Variants in RHOBTB2 observed in about 807,000 individuals in gnomAD.
RHOBTB2 encodes the protein rho-related BTB domain-containing protein 2.
A neutral mutation model predicts 66.5 loss-of-function variants in RHOBTB2; 39 were observed. The observed-to-expected ratio is 0.59, with a 90% confidence interval of 0.45 to 0.77. The LOEUF (loss-of-function observed/expected upper bound fraction) is 0.77, where lower values mean the gene tolerates loss of function less well. Among genes scored for constraint, RHOBTB2 ranks in the 30% least tolerant of loss-of-function variants. RHOBTB2 has a pLI of 0.00. For synonymous variants in RHOBTB2, 390 were observed against 395.0 expected, an observed-to-expected ratio of 0.99 and a Z score of 0.15; for missense variants, 755 against 999.1, an observed-to-expected ratio of 0.76 and a Z score of 3.29.
the RHOBTB2 span, among the ~76,000 whole-genome samples, chr8:22,965,468 A>T: frequency 6.6e-6 from 1 of 152,346 alleles, no homozygotes; most frequent in African/African-American, 2.4e-5. Flanking sequence ...ACCCCCGAAT[A>T]GCCACAACAA....
At chr8:22,969,714 C>G in the RHOBTB2 span, among the ~76,000 whole-genome samples, 347 of 152,192 alleles carry the variant, frequency 2.3e-3, 4 homozygotes, top group East Asian at 7.7e-4. Context: ...AAAACCATAT[C>G]AGTTTAACAA....
At chr8:23,013,084 C>A (rs1174462571) in intron 7 of RHOBTB2, among the ~76,000 whole-genome samples, 1 of 151,940 alleles carries the variant, frequency 6.6e-6, no homozygotes, top group African/African-American at 2.4e-5. Flanking sequence ...CAGGCGTGAG[C>A]CACCACACCC....
chr8:22,999,707 G>T lies in RHOBTB2; in HGVS notation c.-409G>T. ...GGACTGCAGCGCCAGGCGTCTTCGC[G>T]GCAGCGCCTTCGCCGCGGGCCCGGG... On this transcript the variant is annotated 5_prime_UTR_variant, in exon 1 of 10. Transcript: ENST00000251822. 8.7e-7 allele frequency: 1 copy of T among 1,149,608 alleles called. No individual in the cohort carries two copies. The highest frequency in any genetic ancestry group is 1.1e-6 in the Non-Finnish European group (1 of 921,080). 71.2% of individuals were successfully genotyped at this position (1,149,608 alleles called of 1,614,324 possible). A position where few individuals can be genotyped will look rare whatever the true frequency, so the allele number is the denominator to read the frequency against.
chr8:23,013,743 G>T (rs1811213404), intron 7 of RHOBTB2, among the ~76,000 whole-genome samples: 1 of 152,048 alleles, frequency 6.6e-6, no homozygotes, highest in Admixed American at 6.5e-5. Context: ...TGATCCACCC[G>T]CCTTGGCCTC....
At chr8:22,961,371 A>G in the RHOBTB2 span, among the ~76,000 whole-genome samples, 1 of 152,130 alleles carries the variant, frequency 6.6e-6, no homozygotes, top group Non-Finnish European at 1.5e-5. Flanking sequence ...TAACTGATCA[A>G]GCTGTTTCTG....
the RHOBTB2 span, among the ~76,000 whole-genome samples, chr8:22,955,024 G>A: frequency 1.3e-5 from 2 of 152,154 alleles, no homozygotes; most frequent in Admixed American, 1.3e-4. Context: ...CCAGCTACTT[G>A]GGGGGCTGAG....
the RHOBTB2 span, among the ~76,000 whole-genome samples, chr8:22,952,830 G>C: frequency 3.3e-5 from 5 of 152,246 alleles, no homozygotes; most frequent in South Asian, 2.1e-4. Flanking sequence ...GCTTGAACTC[G>C]GGAGGCGGAG....
At chr8:23,015,460 G>T (rs1396487532) in intron 8 of RHOBTB2, among the ~76,000 whole-genome samples, 178 bp from the exon 9 acceptor site, 1 of 152,040 alleles carries the variant, frequency 6.6e-6, no homozygotes. Flanking sequence ...CAAGGAGCCT[G>T]AGGCAGCATC....
the RHOBTB2 span, among the ~76,000 whole-genome samples, chr8:22,955,959 A>G: frequency 1.3e-5 from 2 of 152,144 alleles, no homozygotes; most frequent in African/African-American, 4.8e-5. Context: ...AAGGCAGATG[A>G]AGAAGTTAAA....
chr8:22,985,665 G>A (rs902030026), upstream of RHOBTB2, among the ~76,000 whole-genome samples: 10 of 152,194 alleles, frequency 6.6e-5, no homozygotes, highest in African/African-American at 2.4e-4. Flanking sequence ...TGCGATGGAG[G>A]GCTGGAAGCA....
chr8:23,007,434 C>T lies in RHOBTB2; in HGVS notation c.1189C>T (p.Gln397Ter). 1 of 1,614,148 alleles carries T rather than the reference C, an allele frequency of 6.2e-7. No homozygotes were observed. Among genetic ancestry groups the T allele is most frequent in the Non-Finnish European group, 8.5e-7 (1 of 1,180,032 alleles). Residue 397 changes from glutamine to a stop codon, truncating the protein, a stop_gained, in exon 5 of 10, where the codon CAG becomes TAG. Transcript: ENST00000251822. LOFTEE classifies it high-confidence loss of function. ...SSWSRAFVSIQEEMAEDPLTY... is the reference protein window; with the variant it reads ...SSWSRAFVSI ...CTGGAGCCGAGCTTTTGTGAGCATCCAGGAAGAGATGGCAGAAGATCCTCT... is the reference window on the plus strand; with the variant it reads ...CTGGAGCCGAGCTTTTGTGAGCATCTAGGAAGAGATGGCAGAAGATCCTCT...
At chr8:22,952,815 G>T in the RHOBTB2 span, among the ~76,000 whole-genome samples, 5 of 152,132 alleles carry the variant, frequency 3.3e-5, no homozygotes, top group Non-Finnish European at 5.9e-5. Flanking sequence ...TGAGGCAGGA[G>T]AATTGCTTGA....
chr8:22,985,197 C>T (rs895122557), upstream of RHOBTB2, among the ~76,000 whole-genome samples: 1 of 152,140 alleles, frequency 6.6e-6, no homozygotes, highest in Middle Eastern at 3.2e-3. Flanking sequence ...GCCAGGGGGC[C>T]AGTTGCAAAA....
At chr8:23,008,982 G>C (rs577804764) in intron 6 of RHOBTB2, among the ~76,000 whole-genome samples, 10 of 152,154 alleles carry the variant, frequency 6.6e-5, no homozygotes, top group Non-Finnish European at 1.2e-4. Context: ...CCCTGAGGGA[G>C]GCAGTCCCTA....
At chr8:22,991,489 A>G (rs1019215040) in intron 1 of RHOBTB2, among the ~76,000 whole-genome samples, 1 of 152,206 alleles carries the variant, frequency 6.6e-6, no homozygotes, top group Non-Finnish European at 1.5e-5. Context: ...TCTTTGATGG[A>G]TGAATGAGTC....
At position 23,007,002 on chromosome 8, in the gene RHOBTB2, G is replaced by T; in HGVS notation, c.757G>T (p.Glu253Ter). ...GGTGCCCGACCCTCCCTCCAGCAGC[G>T]AGGAGTGCCCCGCCCACCTCCTGGA... ...IVVPDPPSSS[E>*]ECPAHLLEDP... Residue 253 changes from glutamate to a stop codon, truncating the protein, a stop_gained, in exon 5 of 10, where the codon GAG becomes TAG. Transcript: ENST00000251822. LOFTEE classifies it high-confidence loss of function. The T allele has an allele frequency of 6.2e-7, 1 of 1,609,462 alleles. No homozygotes were observed.
chr8:22,977,319 C>T, the RHOBTB2 span, among the ~76,000 whole-genome samples: 1 of 152,118 alleles, frequency 6.6e-6, no homozygotes, highest in Admixed American at 6.6e-5. Context: ...GTGACTCATG[C>T]CTGTATTCTC....
chr8:22,999,771 C>T lies in RHOBTB2; in HGVS notation c.-345C>T. ...CGGCCTCGCCCCTCTCCCGGCGCCC[C>T]TGCGCGCCGCCCGCTGCCTCCGCAG... is the stretch of plus-strand genomic sequence containing the variant. On this transcript the variant is annotated 5_prime_UTR_variant, in exon 1 of 10. Coordinates refer to ENST00000251822, the MANE Select transcript of RHOBTB2 (RefSeq NM_015178.3). The T allele has an allele frequency of 1.0e-6, 1 of 986,370 alleles. No individual in the cohort carries two copies. Among genetic ancestry groups the T allele is most frequent in the Non-Finnish European group, 1.2e-6 (1 of 832,272 alleles). The allele number at this position is 986,370 out of a possible 1,614,324, so 61.1% of individuals were successfully genotyped here.
At chr8:22,960,986 A>T in the RHOBTB2 span, among the ~76,000 whole-genome samples, 13 of 152,166 alleles carry the variant, frequency 8.5e-5, no homozygotes, top group African/African-American at 2.9e-4. Flanking sequence ...GAGACTGTAG[A>T]TTCTGTTAAA....
Sources: allele counts gnomAD v4.1 joint callset (sites outside exome capture counted in the v4.1 genomes callset), GRCh38; gene constraint gnomAD v4.1.1; transcripts MANE v1.5; gene names NCBI Gene and HGNC (gene_info 2026-07-23, HGNC 2026-07-21).